The following PNPLA7 variants were observed in gnomAD, a reference collection of about 807,000 sequenced individuals.
The protein encoded by PNPLA7 is patatin-like phospholipase domain-containing protein 7.
In PNPLA7, 153 loss-of-function variants were observed where a neutral mutation model predicts 161.7. The ratio of observed to expected loss-of-function variants is 0.95; its 90% CI spans 0.83 to 1.08. The LOEUF is 1.08. PNPLA7 is among the 50% of genes least tolerant of loss of function. The pLI, the probability that PNPLA7 is intolerant of heterozygous loss-of-function variation, is 0.00. For synonymous variants in PNPLA7, 809 were observed against 782.1 expected (o/e 1.03, Z -0.57); for missense variants, 1,739 against 1,856.6 (o/e 0.94, Z 1.16).
rs1394790435 is a variant in PNPLA7 at position 137,467,264 on chromosome 9, C to G, written c.3039+53G>C. ...CCAACGGCCCCAGCGTCCCCCAGCA[C>G]CAGCAAGGACCTGGGGGCTGTGCTC... is the stretch of plus-strand genomic sequence containing the variant. On this transcript the variant is annotated intron_variant, in intron 26 of 34. Transcript: ENST00000406427. This position sits in a 1 kb window ranked among gnomAD's most constrained non-coding sequence, Gnocchi z 5.1. 1 of 1,554,218 alleles carries G rather than the reference C, an allele frequency of 6.4e-7. No homozygotes were observed. Among genetic ancestry groups the G allele is most frequent in the Non-Finnish European group, 8.7e-7 (1 of 1,147,410 alleles).
intron 9 of PNPLA7, 108 bp from the exon 10 acceptor site, chr9:137,521,824 C>G (rs755816602): frequency 3.4e-6 from 3 of 872,238 alleles, no homozygotes; most frequent in Non-Finnish European, 5.2e-6. Context: ...CCTGCAGATG[C>G]CACAGACCGA....
rs749134404 is a variant in PNPLA7 at position 137,464,171 on chromosome 9, T to C, written c.3181A>G (p.Ile1061Val). Residue 1061 changes from isoleucine to valine, a missense_variant, in exon 28 of 35, where the codon ATC becomes GTC. By Grantham distance (29) the Ile-to-Val change is conservative. Around this residue, in one of 6 missense-constraint regions of PNPLA7, gnomAD observed 703 missense variants for 694.6 expected, o/e 1.01. Coordinates refer to ENST00000406427, the MANE Select transcript of PNPLA7 (RefSeq NM_001098537.3). ...IEDLWIPYFA[I>V]TTDITASAMR... is the part of the protein sequence containing the mutation. ...GCCGAGGCTGTGATGTCGGTGGTGA[T>C]GGCGAAATAAGGAATCCACAGGTCC... is the stretch of plus-strand genomic sequence containing the variant. The C allele has an allele frequency of 3.7e-6, 6 of 1,613,824 alleles. No individual in the cohort carries two copies. Among genetic ancestry groups the C allele is most frequent in the Non-Finnish European group, 4.2e-6 (5 of 1,179,978 alleles).
chr9:137,465,169 C>T (rs1278534523), intron 26 of PNPLA7, among the ~76,000 whole-genome samples: 1 of 152,170 alleles, frequency 6.6e-6, no homozygotes, highest in Non-Finnish European at 1.5e-5. Context: ...CCGTGTGATG[C>T]AGGCAGTGAG....
chr9:137,495,291 C>T (rs73567278), intron 18 of PNPLA7, 145 bp from the exon 19 acceptor site: 140 of 601,560 alleles, frequency 2.3e-4, no homozygotes, highest in African/African-American at 2.2e-3. Context: ...TGAGTGCTGG[C>T]GGGCGACGCT....
Position 137,495,016 on chromosome 9 carries a change from A to T in PNPLA7, c.2127+17T>A, listed in dbSNP as rs928185866. 1 of 1,596,542 alleles carries T rather than the reference A, an allele frequency of 6.3e-7. No homozygotes were observed. Among genetic ancestry groups the T allele is most frequent in the Non-Finnish European group, 8.5e-7 (1 of 1,169,738 alleles). ...ACACCCTCATCCGCTCCGCATCCTC[A>T]CCCACGCCATGCTCACCTGTGGGTA... On this transcript the variant is annotated intron_variant, in intron 19 of 34. Transcript: ENST00000406427.
At chr9:137,521,383 G>A (rs753988056) in intron 10 of PNPLA7, among the ~76,000 whole-genome samples, 40 of 152,184 alleles carry the variant, frequency 2.6e-4, no homozygotes, top group Admixed American at 2.0e-4. Context: ...CAAGTCCAAC[G>A]GATCAGAGAT....
intron 32 of PNPLA7, 117 bp downstream of exon 32, chr9:137,461,814 G>C: frequency 5.5e-6 from 7 of 1,265,450 alleles, no homozygotes; most frequent in Non-Finnish European, 7.5e-6. Flanking sequence ...TTTGGCCAGG[G>C]GGGCAGGGCC....
At chr9:137,531,005 A>G (rs983159604) in intron 8 of PNPLA7, among the ~76,000 whole-genome samples, 1 of 152,210 alleles carries the variant, frequency 6.6e-6, no homozygotes, top group South Asian at 2.1e-4. Context: ...CTCTTGGCAC[A>G]TGCTAATCGA....
At chr9:137,492,196 C>G (rs1832795319) in intron 20 of PNPLA7, 1 of 985,196 alleles carries the variant, frequency 1.0e-6, no homozygotes. Flanking sequence ...TATGCTGGAG[C>G]AGGGAAAACT....
chr9:137,481,044 A>G, intron 21 of PNPLA7, 21 bp from the exon 22 acceptor site: 1 of 1,551,528 alleles, frequency 6.4e-7, no homozygotes, highest in Non-Finnish European at 8.7e-7. Flanking sequence ...CACCACCAGT[A>G]ACGGAGCCTG....
chr9:137,523,113 C>G lies in PNPLA7; in HGVS notation c.748-256G>C, dbSNP rs1400006835. ...GAGGGGAGGCCCGCAGGCAGCCACC[C>G]CACCAGACCTGGGCACTCACCATGG... On this transcript the variant is annotated intron_variant, in intron 8 of 34. Transcript: ENST00000406427. This position sits in a 1 kb window ranked among gnomAD's most constrained non-coding sequence, Gnocchi z 4.4. Among the ~76,000 whole-genome samples the G allele has an allele frequency of 6.6e-6, 1 of 152,174 alleles. No individual in the cohort carries two copies. The highest frequency in any genetic ancestry group is 1.5e-5 in the Non-Finnish European group (1 of 68,024).
intron 4 of PNPLA7, 109 bp downstream of exon 4, chr9:137,546,721 A>G (rs1836546473): frequency 3.1e-6 from 3 of 960,268 alleles, no homozygotes; most frequent in East Asian, 2.4e-5. Context: ...AGAGGACAGC[A>G]CACACCAAGC....
At chr9:137,542,898 G>A (rs1226892145) in intron 6 of PNPLA7, 97 bp from the exon 7 acceptor site, 11 of 1,349,260 alleles carry the variant, frequency 8.2e-6, no homozygotes, top group Admixed American at 2.1e-5. Flanking sequence ...CCCCACTGGC[G>A]CCAGGCTTTG....
chr9:137,549,225 G>C (rs1365158015), intron 1 of PNPLA7, among the ~76,000 whole-genome samples: 1 of 152,226 alleles, frequency 6.6e-6, no homozygotes, highest in African/African-American at 2.4e-5. Flanking sequence ...TCTCACGCCT[G>C]TAATCCCAGC....
intron 20 of PNPLA7, chr9:137,491,956 GC>G (rs1832784593): frequency 1.0e-6 from 1 of 985,354 alleles, no homozygotes; most frequent in Non-Finnish European, 1.2e-6. Context: ...TGCAGGACAC[GC>G]GGGAGCAGCC....
chr9:137,519,577 G>A (rs1213778842), intron 11 of PNPLA7, among the ~76,000 whole-genome samples: 2 of 152,194 alleles, frequency 1.3e-5, no homozygotes, highest in African/African-American at 4.8e-5. Flanking sequence ...GAGACCTGGG[G>A]AGGTCTGAGG....
At chr9:137,474,398 G>A (rs1564287917) in intron 25 of PNPLA7, among the ~76,000 whole-genome samples, 2 of 152,300 alleles carry the variant, frequency 1.3e-5, no homozygotes, top group South Asian at 4.1e-4. Context: ...AGTCAGGAGT[G>A]CAGACAAATC....
In PNPLA7 at chr9:137,486,047, C is replaced by T. The variant is rs753812271; in HGVS notation, c.2198-1311G>A. Among the ~76,000 whole-genome samples the T allele has an allele frequency of 2.0e-5, 3 of 151,882 alleles. No individual in the cohort carries two copies. Among genetic ancestry groups the T allele is most frequent in the East Asian group, 1.9e-4 (1 of 5,196 alleles). ...ACGAGGGTCTCCTGCATCTAGGTGC[C>T]GTGGATGCTCCTCCTCTGCAGTCCC... On this transcript the variant is annotated intron_variant, in intron 20 of 34. Coordinates refer to ENST00000406427, the MANE Select transcript of PNPLA7 (RefSeq NM_001098537.3). The surrounding 1 kb of genome is among the most constrained non-coding windows in gnomAD (Gnocchi z 6.0).
Position 137,481,041 on chromosome 9 carries a change from A to G in PNPLA7, c.2348-18T>C, listed in dbSNP as rs1349137159. ...GGTCGGGCCTGAAAACACCACCACC[A>G]GTAACGGAGCCTGCCTGGGCAGCCC... On this transcript the variant is annotated intron_variant, in intron 21 of 34. Coordinates refer to ENST00000406427, the MANE Select transcript of PNPLA7 (RefSeq NM_001098537.3). 1.9e-6 allele frequency: 3 copies of G among 1,551,452 alleles called. No homozygotes were observed. The highest frequency in any genetic ancestry group is 2.4e-5 in the East Asian group (1 of 40,906).
Sources: allele counts gnomAD v4.1 joint callset (sites outside exome capture counted in the v4.1 genomes callset), GRCh38; gene constraint gnomAD v4.1.1; regional missense constraint gnomAD v4.1.1; non-coding constraint Gnocchi (gnomAD v3.1); transcripts MANE v1.5; gene names NCBI Gene and HGNC (gene_info 2026-07-23, HGNC 2026-07-21).